The following LAMA2 variants were observed in gnomAD, a reference collection of about 807,000 sequenced individuals.
The protein encoded by LAMA2 is laminin subunit alpha-2.
A neutral mutation model predicts 364.8 loss-of-function variants in LAMA2; 269 were observed. That is an observed-to-expected ratio of 0.74 (90% CI 0.67 to 0.82). The LOEUF is 0.82. Among genes scored for constraint, LAMA2 ranks in the 40% least tolerant of loss-of-function variants. LAMA2 has a pLI of 0.00. For synonymous variants in LAMA2, 1,379 were observed against 1,370.6 expected, an observed-to-expected ratio of 1.01 and a Z score of -0.14; for missense variants, 3,807 against 3,873.2, an observed-to-expected ratio of 0.98 and a Z score of 0.45.
intron 1 of LAMA2, among the ~76,000 whole-genome samples, chr6:128,963,309 A>G (rs1196929436): frequency 1.3e-5 from 2 of 152,182 alleles, no homozygotes; most frequent in African/African-American, 4.8e-5. Context: ...AGACAAATGT[A>G]CAAATAAATA....
chr6:128,986,107 A>C (rs998276007), intron 1 of LAMA2, among the ~76,000 whole-genome samples: 19 of 152,278 alleles, frequency 1.2e-4, no homozygotes, highest in African/African-American at 4.3e-4. Flanking sequence ...ATAGATTTTA[A>C]ATATATTTGA....
chr6:128,898,096 A>G (rs1240021217), intron 1 of LAMA2, among the ~76,000 whole-genome samples: 1 of 152,240 alleles, frequency 6.6e-6, no homozygotes, highest in African/African-American at 2.4e-5. Flanking sequence ...ATTTGTATTC[A>G]GAAGAGGATG....
intron 1 of LAMA2, among the ~76,000 whole-genome samples, chr6:129,035,244 A>C (rs1420407737): frequency 2.7e-5 from 4 of 148,958 alleles, no homozygotes; most frequent in Non-Finnish European, 4.4e-5. Flanking sequence ...AGTGATACTG[A>C]GCATTTTTTC....
intron 3 of LAMA2, among the ~76,000 whole-genome samples, chr6:129,065,246 G>A (rs1789216087): frequency 6.6e-6 from 1 of 152,062 alleles, no homozygotes; most frequent in South Asian, 2.1e-4. Flanking sequence ...AGCTATAGAA[G>A]GAATGTACGT....
At chr6:129,370,534 AAACTGCGATGGT>A in intron 34 of LAMA2, among the ~76,000 whole-genome samples, 1 of 152,246 alleles carries the variant, frequency 6.6e-6, no homozygotes, top group East Asian at 1.9e-4. Context: ...TAAATTTTCA[AAACTGCGATGGT>A]ATTAAAAACT....
At chr6:128,950,350 G>A (rs1780733610) in intron 1 of LAMA2, among the ~76,000 whole-genome samples, 1 of 152,126 alleles carries the variant, frequency 6.6e-6, no homozygotes, top group Non-Finnish European at 1.5e-5. Flanking sequence ...GAGTAGTCTG[G>A]AAAGGGTCAT....
chr6:128,903,694 T>C lies in LAMA2; in HGVS notation c.112+20337T>C, dbSNP rs1002955287. On this transcript the variant is annotated intron_variant, in intron 1 of 64. Coordinates refer to ENST00000421865, the MANE Select transcript of LAMA2 (RefSeq NM_000426.4). ...TATTATTCCCTTGTAGGAAATTAAG[T>C]ATTTTATATAATAATGCTTAGAACA... is the stretch of plus-strand genomic sequence containing the variant. Among the ~76,000 whole-genome samples the C allele has an allele frequency of 3.3e-5, 5 of 152,210 alleles. No individual in the cohort carries two copies. The East Asian group carries it at 9.9e-4, about 30-fold the overall frequency.
At chr6:129,183,051 T>C (rs1781023133) in intron 10 of LAMA2, among the ~76,000 whole-genome samples, 1 of 152,022 alleles carries the variant, frequency 6.6e-6, no homozygotes, top group African/African-American at 2.4e-5. Flanking sequence ...TTAATGAATA[T>C]TATCATCATT....
chr6:128,935,815 A>G (rs1266359031), intron 1 of LAMA2, among the ~76,000 whole-genome samples: 1 of 152,146 alleles, frequency 6.6e-6, no homozygotes, highest in Non-Finnish European at 1.5e-5. Context: ...ACTAGGACTC[A>G]TAGTACTATG....
At chr6:128,954,551 C>T (rs1781026627) in intron 1 of LAMA2, among the ~76,000 whole-genome samples, 1 of 151,850 alleles carries the variant, frequency 6.6e-6, no homozygotes, top group Non-Finnish European at 1.5e-5. Flanking sequence ...AAAAACATGG[C>T]AGTTGTTTTT....
chr6:129,414,944 T>A (rs1190739497), intron 40 of LAMA2, among the ~76,000 whole-genome samples: 1 of 152,238 alleles, frequency 6.6e-6, no homozygotes, highest in Non-Finnish European at 1.5e-5. Flanking sequence ...ATTACTGCTA[T>A]GATGAAGGAG....
chr6:129,390,084 C>T (rs138945312), intron 35 of LAMA2, among the ~76,000 whole-genome samples: 7 of 152,072 alleles, frequency 4.6e-5, no homozygotes, highest in South Asian at 4.1e-4. Flanking sequence ...ACATATATAA[C>T]GAAAAAAGAA....
In LAMA2 at chr6:129,342,467, A is replaced by G. The variant is rs772192897; in HGVS notation, c.4436A>G (p.Asn1479Ser). Residue 1479 changes from asparagine to serine, a missense_variant and splice_region_variant, in exon 30 of 65, where the codon AAT (asparagine) becomes AGT (serine). Coordinates refer to ENST00000421865, the MANE Select transcript of LAMA2 (RefSeq NM_000426.4). Reference protein sequence around the residue: ...CACPLISSSNNFSPSCVAEGL... With the variant: ...CACPLISSSNSFSPSCVAEGL... The stretch of plus-strand genomic sequence containing the variant: ...TGCCCTCTGATTTCTTCCAGTAACA[A>G]GTAAGATTGAGAAATATAACCATAT... The G allele has an allele frequency of 6.2e-7, 1 of 1,612,830 alleles. No homozygotes were observed.
At chr6:128,944,730 G>C (rs1277121138) in intron 1 of LAMA2, among the ~76,000 whole-genome samples, 2 of 152,158 alleles carry the variant, frequency 1.3e-5, no homozygotes, top group African/African-American at 4.8e-5. Context: ...TCTGCCTCTG[G>C]GGAGGCCTCA....
At position 129,170,583 on chromosome 6, in the gene LAMA2, G is replaced by C. The variant is rs1286851318; in HGVS notation, c.1306+4908G>C. On this transcript the variant is annotated intron_variant, in intron 9 of 64. Transcript: ENST00000421865. ...TTGCTGAGGAGAGCTTTACTTCCAAGTATGTGGTCAATTTTGGAATAGGTG... is the reference window on the plus strand; with the variant it reads ...TTGCTGAGGAGAGCTTTACTTCCAACTATGTGGTCAATTTTGGAATAGGTG... Among the ~76,000 whole-genome samples the C allele has an allele frequency of 7.3e-4, 104 of 142,258 alleles. 2 individuals are homozygous for C. The South Asian group carries it at 0.022, about 30-fold the overall frequency. 93.3% of individuals were successfully genotyped at this position (142,258 alleles called of 152,430 possible).
At chr6:129,216,731 T>C (rs265360) in intron 12 of LAMA2, among the ~76,000 whole-genome samples, 98,997 of 152,060 alleles carry the variant, frequency 0.65, 34,532 homozygotes, top group Non-Finnish European at 0.78. Flanking sequence ...TAATATTCTA[T>C]TTATGATGCA....
intron 43 of LAMA2, 34 bp downstream of exon 43, chr6:129,441,032 T>A: frequency 6.4e-7 from 1 of 1,564,390 alleles, no homozygotes; most frequent in South Asian, 1.1e-5. Flanking sequence ...ATGATGTCAT[T>A]TATTTCCTCT....
chr6:128,996,540 G>C (rs1329684184), intron 1 of LAMA2, among the ~76,000 whole-genome samples: 1 of 152,166 alleles, frequency 6.6e-6, no homozygotes, highest in African/African-American at 2.4e-5. Flanking sequence ...CACCATCACT[G>C]GTAATTAGAG....
At chr6:129,370,138 C>A (rs1005630498) in intron 34 of LAMA2, 148 bp downstream of exon 34, 4 of 727,074 alleles carry the variant, frequency 5.5e-6, no homozygotes, top group Non-Finnish European at 7.2e-6. Flanking sequence ...GCTAATTCTG[C>A]TTCAAATCAA....
Sources: gnomAD v4.1 joint callset for allele counts (sites outside exome capture counted in the v4.1 genomes callset) on GRCh38, gnomAD v4.1.1 for gene constraint, MANE v1.5 for transcripts, NCBI Gene and HGNC (gene_info 2026-07-23, HGNC 2026-07-21) for gene names.